SNX1: variants seen among roughly 807,000 people sequenced by gnomAD.
The protein encoded by SNX1 is sorting nexin-1.
In SNX1, 36 loss-of-function variants were observed where a neutral mutation model predicts 71.8. That is an observed-to-expected ratio of 0.50 (90% CI 0.38 to 0.66). The LOEUF is 0.66. Ranked by LOEUF, SNX1 falls within the 30% of genes least tolerant of loss-of-function variation. SNX1 has a pLI of 0.00. For synonymous variants in SNX1, 254 were observed against 240.7 expected, an observed-to-expected ratio of 1.06 and a Z score of -0.51; for missense variants, 612 against 646.7, an observed-to-expected ratio of 0.95 and a Z score of 0.58.
rs2081285299 is a variant in SNX1, at chr15:64,129,465, C to T, written c.808-451C>T. Among the ~76,000 whole-genome samples the T allele has an allele frequency of 6.6e-6, 1 of 152,304 alleles. No individual in the cohort carries two copies. Among genetic ancestry groups the T allele is most frequent in the South Asian group, 2.1e-4 (1 of 4,832 alleles). ...AGCCTTGATCTGAATCAATAATTTT[C>T]TTGTCCTCGGATATTTGTTCACTGA... On this transcript the variant is annotated intron_variant, in intron 8 of 14. Transcript: ENST00000559844. This position sits in a 1 kb window ranked among gnomAD's most constrained non-coding sequence, Gnocchi z 4.4.
intron 6 of SNX1, among the ~76,000 whole-genome samples, chr15:64,126,901 T>C (rs776652014): frequency 2.0e-5 from 3 of 152,154 alleles, no homozygotes; most frequent in Non-Finnish European, 4.4e-5. Context: ...TTAACATCAG[T>C]TGATGTTTGT....
chr15:64,107,645 C>G (rs935273953), intron 1 of SNX1, among the ~76,000 whole-genome samples: 1 of 151,962 alleles, frequency 6.6e-6, no homozygotes, highest in Admixed American at 6.6e-5. Flanking sequence ...AACAGTTGAA[C>G]TCTTAAACAG....
intron 5 of SNX1, among the ~76,000 whole-genome samples, chr15:64,124,635 C>G (rs1321859570): frequency 6.6e-6 from 1 of 151,892 alleles, no homozygotes; most frequent in Non-Finnish European, 1.5e-5. Context: ...TTATGTTTTC[C>G]TGTTGTGAAC....
chr15:64,097,441 C>A (rs1199328196), intron 1 of SNX1, among the ~76,000 whole-genome samples: 1 of 151,916 alleles, frequency 6.6e-6, no homozygotes, highest in Non-Finnish European at 1.5e-5. Flanking sequence ...GCCCCCAGAC[C>A]TTGGTGTTTT....
chr15:64,110,882 T>C (rs1306111195), intron 1 of SNX1, among the ~76,000 whole-genome samples: 3 of 152,330 alleles, frequency 2.0e-5, no homozygotes, highest in African/African-American at 7.2e-5. Context: ...GGATCAGAAA[T>C]GGAAAGCTGG....
rs758040046 is a variant in SNX1, at chr15:64,112,614, C to T, written c.201C>T (p.Pro67=). ...QSPKITTSLL[P]INNGSKENGI... The stretch of plus-strand genomic sequence containing the variant: ...CAAAGATAACTACATCCCTTCTTCC[C>T]ATCAACAATGGCTCCAAAGAAAATG... The change falls in exon 2 of 15, where the codon CCC becomes CCT. Residue 67 remains proline (P), a synonymous_variant. Coordinates refer to ENST00000559844, the MANE Select transcript of SNX1 (RefSeq NM_003099.5). 8.1e-6 allele frequency: 13 copies of T among 1,613,012 alleles called. No homozygotes were observed. The highest frequency in any genetic ancestry group is 1.1e-5 in the Non-Finnish European group (13 of 1,179,288).
chr15:64,102,245 T>A (rs888090863), intron 1 of SNX1, among the ~76,000 whole-genome samples: 5 of 152,196 alleles, frequency 3.3e-5, no homozygotes, highest in African/African-American at 1.2e-4. Flanking sequence ...ACGTGGTTAT[T>A]GTATATTGTC....
intron 2 of SNX1, among the ~76,000 whole-genome samples, chr15:64,117,360 T>A (rs1037672140): frequency 6.6e-6 from 1 of 151,720 alleles, no homozygotes; most frequent in East Asian, 2.0e-4. Flanking sequence ...GTTCAAACAA[T>A]TCTCCTGCCT....
rs1169586244 is a variant in SNX1, at chr15:64,096,215, G to A, written c.159+43G>A. The A allele has an allele frequency of 4.6e-6, 7 of 1,536,908 alleles. No individual in the cohort carries two copies. In the East Asian group the frequency reaches 7.4e-5, roughly 16 times the overall value. Reference sequence around the variant, plus strand: ...GGGGTAGCAGGCGGGAGGGCACCCCGAAAGGGAAGAGAGGCTAAGCGAGAA... The same window carrying A: ...GGGGTAGCAGGCGGGAGGGCACCCCAAAAGGGAAGAGAGGCTAAGCGAGAA... On this transcript the variant is annotated intron_variant, in intron 1 of 14. Transcript: ENST00000559844.
intron 5 of SNX1, among the ~76,000 whole-genome samples, chr15:64,125,212 CA>C (rs2140151857): frequency 6.6e-6 from 1 of 152,276 alleles, no homozygotes; most frequent in Admixed American, 6.5e-5. Flanking sequence ...CCTGTAATCC[CA>C]GCACTTTGGG....
rs2081416140 is a variant in SNX1, at chr15:64,141,701, T to C, written c.*4083T>C. 6.6e-6 allele frequency: 1 copy of C among 152,434 alleles called. No homozygotes were observed. Among genetic ancestry groups the C allele is most frequent in the Non-Finnish European group, 1.5e-5 (1 of 68,142 alleles). The allele number at this position is 152,434 out of a possible 1,614,324, so 9.4% of individuals were successfully genotyped here. On this transcript the variant is annotated 3_prime_UTR_variant, in exon 15 of 15. Coordinates refer to ENST00000559844, the MANE Select transcript of SNX1 (RefSeq NM_003099.5). This position sits in a 1 kb window ranked among gnomAD's most constrained non-coding sequence, Gnocchi z 5.1. ...CATCACATGGGTGTCTGATAGGACC[T>C]GGGAGGCGCTTTCCACATTACCATT...
intron 3 of SNX1, among the ~76,000 whole-genome samples, 191 bp downstream of exon 3, chr15:64,118,435 C>T (rs1381874080): frequency 6.6e-6 from 1 of 152,226 alleles, no homozygotes; most frequent in Non-Finnish European, 1.5e-5. Flanking sequence ...CCAGAGAGCA[C>T]GAAGGCTTTC....
At chr15:64,106,999 G>A (rs937782902) in intron 1 of SNX1, among the ~76,000 whole-genome samples, 13 of 152,174 alleles carry the variant, frequency 8.5e-5, no homozygotes, top group African/African-American at 2.2e-4. Context: ...AGAAGTAAAG[G>A]TGGCAAAACC....
Position 64,142,801 on chromosome 15 carries a change from G to A in SNX1, c.*5183G>A, listed in dbSNP as rs1232052512. 2.6e-6 allele frequency: 1 copy of A among 380,420 alleles called. No individual in the cohort carries two copies. The highest frequency in any genetic ancestry group is 3.2e-5 in the Admixed American group (1 of 30,886). The allele number at this position is 380,420 out of a possible 1,614,324, so 23.6% of individuals were successfully genotyped here. On this transcript the variant is annotated 3_prime_UTR_variant, in exon 15 of 15. Coordinates refer to ENST00000559844, the MANE Select transcript of SNX1 (RefSeq NM_003099.5). The stretch of plus-strand genomic sequence containing the variant: ...CAGTACTCAGTGACAAAATAAATGA[G>A]AGAAACGGGAATAAGAATTGTCGCC...
chr15:64,138,323 C>CTTTT lies in SNX1; in HGVS notation c.*706_*707insTTTT, dbSNP rs1205317987. ...CAAAGGAGGCAGAGACTTTCTCTCT[C>CTTTT]TCTTTTTTTTTTTTTTTTGGTGTCC... is the stretch of plus-strand genomic sequence containing the variant. On this transcript the variant is annotated 3_prime_UTR_variant, in exon 15 of 15. Coordinates refer to ENST00000559844, the MANE Select transcript of SNX1 (RefSeq NM_003099.5). 4.0e-5 allele frequency: 28 copies of CTTTT among 694,148 alleles called. 1 individual carries two copies. In the African/African-American group the frequency reaches 4.2e-4, roughly 10 times the overall value. 43.0% of individuals were successfully genotyped at this position (694,148 alleles called of 1,614,324 possible). A position where few individuals can be genotyped will look rare whatever the true frequency, so the allele number is the denominator to read the frequency against.
chr15:64,132,903 C>G (rs2081321599), intron 11 of SNX1, among the ~76,000 whole-genome samples: 1 of 152,194 alleles, frequency 6.6e-6, no homozygotes, highest in Admixed American at 6.5e-5. Flanking sequence ...CTATGTAATT[C>G]TTAGAACTGG....
chr15:64,116,167 G>A (rs1595987377), intron 2 of SNX1, among the ~76,000 whole-genome samples: 1 of 152,116 alleles, frequency 6.6e-6, no homozygotes, highest in Non-Finnish European at 1.5e-5. Context: ...GTAAGCTAGA[G>A]AAAAGAAAGT....
chr15:64,126,017 A>G (rs991356690), intron 5 of SNX1, 62 bp from the exon 6 acceptor site: 1 of 1,555,086 alleles, frequency 6.4e-7, no homozygotes, highest in African/African-American at 1.4e-5. Context: ...CAATAGGATG[A>G]CTTTCAAGAT....
chr15:64,122,972 G>T (rs369391686), intron 4 of SNX1, among the ~76,000 whole-genome samples: 14 of 152,270 alleles, frequency 9.2e-5, no homozygotes, highest in South Asian at 6.2e-4. Flanking sequence ...GAACATGCTA[G>T]ATCAGAGAGG....
Sources: gnomAD v4.1 joint callset for allele counts (sites outside exome capture counted in the v4.1 genomes callset) on GRCh38, gnomAD v4.1.1 for gene constraint, Gnocchi (gnomAD v3.1) non-coding constraint, MANE v1.5 for transcripts, NCBI Gene and HGNC (gene_info 2026-07-23, HGNC 2026-07-21) for gene names.